Variants in RGS19 observed in about 807,000 individuals in gnomAD.
The protein encoded by RGS19 is regulator of G protein signaling 19, also known as G alpha interacting protein.
RGS19 carries 9 observed loss-of-function variants against 22.0 expected under a neutral mutation model. That is an observed-to-expected ratio of 0.41 (90% CI 0.25 to 0.71). The LOEUF (loss-of-function observed/expected upper bound fraction) is 0.71. Ranked by LOEUF, RGS19 falls within the 30% of genes least tolerant of loss-of-function variation. The pLI, the probability that RGS19 is intolerant of heterozygous loss-of-function variation, is 0.32. For missense variants in RGS19, 256 were observed against 307.1 expected, an observed-to-expected ratio of 0.83 and a Z score of 1.24; for synonymous variants, 130 against 127.3, an observed-to-expected ratio of 1.02 and a Z score of -0.14.
rs2145540968 is a variant in RGS19 at position 64,075,877 on chromosome 20, CT to C, written c.152+647del. ...ATGGGGTCTGTGCCTGTCTTTCTTTCTTTCTTTCTTTTTTTTTTTTTGAGAC... is the reference window on the plus strand; with the variant it reads ...ATGGGGTCTGTGCCTGTCTTTCTTTCTTCTTTCTTTTTTTTTTTTTGAGAC... On this transcript the variant is annotated intron_variant, in intron 3 of 5. Transcript: ENST00000395042. The surrounding 1 kb of genome is among the most constrained non-coding windows in gnomAD (Gnocchi z 4.6). 1.4e-5 allele frequency among the ~76,000 whole-genome samples: 2 copies of C among 142,168 alleles called. No homozygotes were observed. Among genetic ancestry groups the C allele is most frequent in the Admixed American group, 1.4e-4 (2 of 14,212 alleles). The allele number at this position is 142,168 out of a possible 152,430, so 93.3% of individuals were successfully genotyped here. A position where few individuals can be genotyped will look rare whatever the true frequency, so the allele number is the denominator to read the frequency against.
Position 64,075,918 on chromosome 20 carries a change from G to A in RGS19, c.152+607C>T, listed in dbSNP as rs548805647. Among the ~76,000 whole-genome samples, 375 of 149,234 alleles carry A rather than the reference G, an allele frequency of 2.5e-3. 1 individual carries two copies. The highest frequency in any genetic ancestry group is 6.9e-3 in the Middle Eastern group (2 of 290). ...TTTTTTGAGACGGAGTTTTGCTCTTGTTGCCCAGGCTGGAGTGCAATGACG... is the reference window on the plus strand; with the variant it reads ...TTTTTTGAGACGGAGTTTTGCTCTTATTGCCCAGGCTGGAGTGCAATGACG... On this transcript the variant is annotated intron_variant, in intron 3 of 5. Coordinates refer to ENST00000395042, the MANE Select transcript of RGS19 (RefSeq NM_005873.3). The surrounding 1 kb of genome is among the most constrained non-coding windows in gnomAD (Gnocchi z 4.6).
upstream of RGS19, chr20:64,079,943 A>AGGGGGCGC (rs1312596559): frequency 6.9e-4 from 101 of 145,872 alleles, no homozygotes; most frequent in Admixed American, 6.7e-3. The surrounding 1 kb of genome is among the most constrained non-coding windows in gnomAD (Gnocchi z 5.1). Context: ...ACAGTCGGGG[A>AGGGGGCGC]GGGGGCGCGG....
At chr20:64,076,132 T>C (rs913069759) in intron 3 of RGS19, among the ~76,000 whole-genome samples, 1 of 152,158 alleles carries the variant, frequency 6.6e-6, no homozygotes, top group Non-Finnish European at 1.5e-5. Context: ...CCGCCCACCT[T>C]GCCCTCCCAA....
In RGS19 at chr20:64,074,382, T is replaced by C. The variant is rs747429761; in HGVS notation, c.228-4A>G. 6.2e-7 allele frequency: 1 copy of C among 1,603,358 alleles called. No homozygotes were observed. The highest frequency in any genetic ancestry group is 1.1e-5 in the South Asian group (1 of 90,096). On this transcript the variant is annotated splice_polypyrimidine_tract_variant and splice_region_variant and intron_variant, in intron 4 of 5. Transcript: ENST00000395042. ...CTCCTCAGGACTTGGCGTGGCACTG[T>C]GGGCACGGGGGCCAGGCTATGTCAG...
At chr20:64,074,069 G>A in intron 5 of RGS19, 25 bp from the exon 6 acceptor site, 1 of 1,604,524 alleles carries the variant, frequency 6.2e-7, no homozygotes, top group Middle Eastern at 1.7e-4. Flanking sequence ...ACTGAGGTCA[G>A]GGGGTGCGGG....
chr20:64,074,357 C>T lies in RGS19; in HGVS notation c.249G>A (p.Glu83=), dbSNP rs377211450. 9 of 1,610,186 alleles carry T rather than the reference C, an allele frequency of 5.6e-6. No homozygotes were observed. Among genetic ancestry groups the T allele is most frequent in the Non-Finnish European group, 7.6e-6 (9 of 1,178,622 alleles). Reference sequence around the variant, plus strand: ...CAAAAGACTGCGCCCAGCTCTGCACCTCCTCAGGACTTGGCGTGGCACTGT... The same window carrying T: ...CAAAAGACTGCGCCCAGCTCTGCACTTCCTCAGGACTTGGCGTGGCACTGT... The part of the protein sequence containing the change: ...CEVCATPSPE[E]VQSWAQSFDK... The change falls in exon 5 of 6, where the codon GAG becomes GAA. Residue 83 remains glutamate (E), a synonymous_variant. Coordinates refer to ENST00000395042, the MANE Select transcript of RGS19 (RefSeq NM_005873.3).
chr20:64,074,430 C>T (rs2145536234), intron 4 of RGS19, 37 bp downstream of exon 4: 3 of 1,568,750 alleles, frequency 1.9e-6, no homozygotes, highest in Admixed American at 1.8e-5. Flanking sequence ...CGGTCTGGGG[C>T]CCCCCCAGCA....
intron 3 of RGS19, 99 bp downstream of exon 3, chr20:64,076,426 C>T (rs1468383738): frequency 5.0e-5 from 78 of 1,549,074 alleles, no homozygotes; most frequent in Middle Eastern, 4.6e-4. Flanking sequence ...ATCCTGCCTG[C>T]GGGGATGCCT....
chr20:64,077,005 G>C (rs1168308543), intron 1 of RGS19, 51 bp from the exon 2 acceptor site: 1 of 992,998 alleles, frequency 1.0e-6, no homozygotes. Context: ...CCCAGCCCCT[G>C]CCTACCCCTT....
rs1482907141 is a variant in RGS19, at chr20:64,074,152, G to A, written c.454C>T (p.Pro152Ser). 10 of 1,612,760 alleles carry A rather than the reference G, an allele frequency of 6.2e-6. No homozygotes were observed. Among genetic ancestry groups the A allele is most frequent in the Middle Eastern group, 1.6e-4 (1 of 6,082 alleles). Residue 152 changes from proline (P) to serine (S), a missense_variant, in exon 5 of 6, where the codon CCC becomes TCC. Transcript: ENST00000395042. ...TCTGGTGTCTGGCGCACCTCCTTGGGGGACAGGATGGATACGTAGTCCTCG... is the reference window on the plus strand; with the variant it reads ...TCTGGTGTCTGGCGCACCTCCTTGGAGGACAGGATGGATACGTAGTCCTCG... ...IYEDYVSILS[P>S]KEVSLDSRVR...
chr20:64,076,822 C>A, intron 2 of RGS19, 35 bp downstream of exon 2: 1 of 1,577,188 alleles, frequency 6.3e-7, no homozygotes, highest in East Asian at 2.3e-5. Context: ...CCCATCTCCC[C>A]CAGGGGAGCA....
Position 64,073,374 on chromosome 20 carries a change from C to G in RGS19, c.*479G>C, listed in dbSNP as rs1260324427. The G allele has an allele frequency of 6.5e-6, 1 of 154,170 alleles. No homozygotes were observed. Among genetic ancestry groups the G allele is most frequent in the Admixed American group, 6.5e-5 (1 of 15,366 alleles). The allele number at this position is 154,170 out of a possible 1,614,324, so 9.6% of individuals were successfully genotyped here. A position where few individuals can be genotyped will look rare whatever the true frequency, so the allele number is the denominator to read the frequency against. ...GGATTCTGAGGTCCTAAATCTGGTT[C>G]TGAGGTTCTGTGTTTGATTCTGGGG... On this transcript the variant is annotated 3_prime_UTR_variant, in exon 6 of 6. Transcript: ENST00000395042.
chr20:64,076,979 A>T, intron 1 of RGS19, 25 bp from the exon 2 acceptor site: 1 of 1,227,640 alleles, frequency 8.1e-7, no homozygotes, highest in Non-Finnish European at 1.1e-6. Flanking sequence ...CAAGGTTCTG[A>T]CTGAGAACCT....
At position 64,077,228 on chromosome 20, in the gene RGS19, C is replaced by T. The variant is rs780287146; in HGVS notation, c.-68-274G>A. ...CTGGAGGTTCCGAGACACCCCCATC[C>T]GCTCACTCCCTGGGAAGCCGGAAGC... On this transcript the variant is annotated intron_variant, in intron 1 of 5. Transcript: ENST00000395042. 7.2e-5 allele frequency among the ~76,000 whole-genome samples: 11 copies of T among 152,292 alleles called. 1 individual carries two copies. Among genetic ancestry groups the T allele is most frequent in the South Asian group, 6.2e-4 (3 of 4,828 alleles).
At position 64,076,928 on chromosome 20, in the gene RGS19, C is replaced by T. The variant is rs1351268056; in HGVS notation, c.-42G>A. The stretch of plus-strand genomic sequence containing the variant: ...TTGCCCAGGCTCCGTGGTACCAGCT[C>T]TCAGACCCTCACCACAGCCTGGGGG... On this transcript the variant is annotated 5_prime_UTR_variant, in exon 2 of 6. Coordinates refer to ENST00000395042, the MANE Select transcript of RGS19 (RefSeq NM_005873.3). The T allele has an allele frequency of 1.3e-6, 2 of 1,486,106 alleles. No homozygotes were observed. Among genetic ancestry groups the T allele is most frequent in the Admixed American group, 2.6e-5 (1 of 38,886 alleles). 92.1% of individuals were successfully genotyped at this position (1,486,106 alleles called of 1,614,324 possible).
rs2059907212 is a variant in RGS19, at chr20:64,076,575, G to A, written c.102C>T (p.Pro34=). ...AGCACAGGCAGCAGGGGTTGCGGCTGGGGGCCGCTGGAGAGGCTGTATCAT... is the reference window on the plus strand; with the variant it reads ...AGCACAGGCAGCAGGGGTTGCGGCTAGGGGCCGCTGGAGAGGCTGTATCAT... ...SSHDTASPAA[P]SRNPCCLCWC... Residue 34 remains proline (P), a synonymous_variant, in exon 3 of 6, where the codon CCC becomes CCT. Coordinates refer to ENST00000395042, the MANE Select transcript of RGS19 (RefSeq NM_005873.3). The A allele has an allele frequency of 6.2e-7, 1 of 1,612,590 alleles. No individual in the cohort carries two copies. Among genetic ancestry groups the A allele is most frequent in the East Asian group, 2.2e-5 (1 of 44,878 alleles).
At chr20:64,079,923 G>A (rs1461527707), upstream of RGS19, 1 of 148,540 alleles carries the variant, frequency 6.7e-6, no homozygotes, top group Non-Finnish European at 1.5e-5. This position sits in a 1 kb window ranked among gnomAD's most constrained non-coding sequence, Gnocchi z 5.1. Flanking sequence ...GCGCTCCAAG[G>A]TCCGGCCCGA....
intron 3 of RGS19, among the ~76,000 whole-genome samples, chr20:64,076,165 G>A (rs2059903817): frequency 6.6e-6 from 1 of 152,208 alleles, no homozygotes; most frequent in Non-Finnish European, 1.5e-5. Context: ...ACAGGCATGA[G>A]CCACTGCACC....
intron 1 of RGS19, among the ~76,000 whole-genome samples, chr20:64,078,181 A>G (rs2059920404): frequency 6.6e-6 from 1 of 152,248 alleles, no homozygotes; most frequent in African/African-American, 2.4e-5. Context: ...AGGGCCCCCA[A>G]TACCCCCGAG....
Sources: gnomAD v4.1 joint callset for allele counts (sites outside exome capture counted in the v4.1 genomes callset) on GRCh38, gnomAD v4.1.1 for gene constraint, Gnocchi (gnomAD v3.1) non-coding constraint, MANE v1.5 for transcripts, NCBI Gene and HGNC (gene_info 2026-07-23, HGNC 2026-07-21) for gene names.